KCTD8: variants seen among roughly 807,000 people sequenced by gnomAD.
The protein encoded by KCTD8 is BTB/POZ domain-containing protein KCTD8.
In KCTD8, 27 loss-of-function variants were observed where a neutral mutation model predicts 31.5. The observed-to-expected ratio is 0.86, with a 90% CI of 0.63 to 1.18. KCTD8 has a LOEUF of 1.18. KCTD8 is among the 50% of genes most tolerant of loss of function. The probability of loss-of-function intolerance (pLI) is 0.00; values close to 1 mark genes in which losing one functional copy is unlikely to be tolerated. For synonymous variants in KCTD8, 290 were observed against 280.0 expected (o/e 1.04, Z -0.36); for missense variants, 658 against 647.7 (o/e 1.02, Z -0.17).
chr4:44,369,373 A>G (rs1719723682), intron 1 of KCTD8, among the ~76,000 whole-genome samples: 1 of 152,224 alleles, frequency 6.6e-6, no homozygotes, highest in African/African-American at 2.4e-5. Context: ...AGCTACGAGT[A>G]TGTTCAAAAG....
At chr4:44,345,370 C>T (rs1719010730) in intron 1 of KCTD8, among the ~76,000 whole-genome samples, 1 of 152,010 alleles carries the variant, frequency 6.6e-6, no homozygotes, top group African/African-American at 2.4e-5. Context: ...TTGGAATAAA[C>T]TGCCCCCAAA....
At position 44,365,985 on chromosome 4, in the gene KCTD8, A is replaced by T. The variant is rs534109376; in HGVS notation, c.961+81578T>A. Among the ~76,000 whole-genome samples, 6 of 152,324 alleles carry T rather than the reference A, an allele frequency of 3.9e-5. No homozygotes were observed. In the South Asian group the frequency reaches 1.2e-3, roughly 32 times the overall value. On this transcript the variant is annotated intron_variant, in intron 1 of 1. Coordinates refer to ENST00000360029, the MANE Select transcript of KCTD8 (RefSeq NM_198353.3). ...CTTTGACAAAAGAAAAAAAACCTTGATTACAAATCGAGTTTGTAAAGCAAG... is the reference window on the plus strand; with the variant it reads ...CTTTGACAAAAGAAAAAAAACCTTGTTTACAAATCGAGTTTGTAAAGCAAG...
At chr4:44,247,688 A>G (rs1197283801) in intron 1 of KCTD8, among the ~76,000 whole-genome samples, 2 of 151,878 alleles carry the variant, frequency 1.3e-5, no homozygotes, top group African/African-American at 4.8e-5. Context: ...TATTTTAGGT[A>G]TCTCATATAA....
chr4:44,442,029 A>C (rs1412767100), intron 1 of KCTD8, among the ~76,000 whole-genome samples: 1 of 152,214 alleles, frequency 6.6e-6, no homozygotes, highest in African/African-American at 2.4e-5. Flanking sequence ...TAAACCAAAA[A>C]AAGATAGCAT....
chr4:44,393,560 T>C (rs1183701562), intron 1 of KCTD8, among the ~76,000 whole-genome samples: 1 of 150,676 alleles, frequency 6.6e-6, no homozygotes, highest in African/African-American at 2.4e-5. Context: ...TACTACCTAC[T>C]CACATTATAA....
intron 1 of KCTD8, among the ~76,000 whole-genome samples, chr4:44,216,052 T>C (rs887343415): frequency 3.3e-5 from 5 of 152,172 alleles, no homozygotes; most frequent in Admixed American, 3.3e-4. Flanking sequence ...GAAAGTAGCA[T>C]AGTAGCAGGA....
chr4:44,374,978 C>A (rs1036866157), intron 1 of KCTD8, among the ~76,000 whole-genome samples: 17 of 152,186 alleles, frequency 1.1e-4, no homozygotes, highest in Non-Finnish European at 8.8e-5. Flanking sequence ...TGTCACAAAA[C>A]TTCAATTTAT....
intron 1 of KCTD8, among the ~76,000 whole-genome samples, chr4:44,335,487 T>C (rs1030289162): frequency 4.6e-5 from 7 of 152,100 alleles, no homozygotes; most frequent in Non-Finnish European, 2.9e-5. Context: ...TAAAAATATG[T>C]TTCCTACAGG....
chr4:44,358,303 C>T (rs1719399521), intron 1 of KCTD8, among the ~76,000 whole-genome samples: 1 of 152,058 alleles, frequency 6.6e-6, no homozygotes, highest in Admixed American at 6.6e-5. Flanking sequence ...TCATTGATGG[C>T]CATTTGGGTT....
intron 1 of KCTD8, among the ~76,000 whole-genome samples, chr4:44,188,026 T>C (rs1219946707): frequency 6.6e-6 from 1 of 150,408 alleles, no homozygotes; most frequent in Admixed American, 6.6e-5. Context: ...AAAAAAACAG[T>C]CTAACACTCT....
chr4:44,182,869 C>T (rs1208721246), intron 1 of KCTD8, among the ~76,000 whole-genome samples: 2 of 152,150 alleles, frequency 1.3e-5, no homozygotes, highest in African/African-American at 4.8e-5. Context: ...CCTCAGTCTC[C>T]TCATGTTTAA....
At chr4:44,311,181 C>G (rs988604376) in intron 1 of KCTD8, among the ~76,000 whole-genome samples, 33 of 151,994 alleles carry the variant, frequency 2.2e-4, no homozygotes, top group Admixed American at 1.2e-3. Flanking sequence ...TTTCTTCTGT[C>G]ATTCTTCTCT....
chr4:44,357,769 A>G (rs2109428427), intron 1 of KCTD8, among the ~76,000 whole-genome samples: 1 of 152,136 alleles, frequency 6.6e-6, no homozygotes, highest in East Asian at 1.9e-4. Context: ...TTTTTCATAC[A>G]TTGTACCTTC....
At chr4:44,328,810 G>C (rs756544671) in intron 1 of KCTD8, among the ~76,000 whole-genome samples, 31 of 151,772 alleles carry the variant, frequency 2.0e-4, no homozygotes, top group Admixed American at 3.3e-4. Context: ...AAATTGCAGA[G>C]CTCTGGACTT....
chr4:44,182,012 C>T (rs1713429133), intron 1 of KCTD8, among the ~76,000 whole-genome samples: 1 of 151,920 alleles, frequency 6.6e-6, no homozygotes, highest in African/African-American at 2.4e-5. Context: ...AGCCCCTCCG[C>T]CTGGCAGCTG....
chr4:44,198,396 G>C (rs1714012728), intron 1 of KCTD8, among the ~76,000 whole-genome samples: 1 of 152,060 alleles, frequency 6.6e-6, no homozygotes, highest in Non-Finnish European at 1.5e-5. Context: ...AATTCTTAAA[G>C]GCAGATATAG....
chr4:44,253,510 T>C (rs1223062531), intron 1 of KCTD8, among the ~76,000 whole-genome samples: 1 of 151,818 alleles, frequency 6.6e-6, no homozygotes, highest in Non-Finnish European at 1.5e-5. Flanking sequence ...ATTGCAGGAA[T>C]GACACCATGC....
intron 1 of KCTD8, among the ~76,000 whole-genome samples, chr4:44,331,675 A>G (rs923953712): frequency 1.9e-4 from 28 of 150,172 alleles, no homozygotes; most frequent in Non-Finnish European, 3.1e-4. Context: ...TATTGAAATT[A>G]CATATATATA....
chr4:44,217,228 C>T (rs1714674618), intron 1 of KCTD8, among the ~76,000 whole-genome samples: 1 of 152,160 alleles, frequency 6.6e-6, no homozygotes. Flanking sequence ...TCTCTTCACA[C>T]ACCCCCAAAA....
Sources: allele counts gnomAD v4.1 joint callset (sites outside exome capture counted in the v4.1 genomes callset), GRCh38; gene constraint gnomAD v4.1.1; transcripts MANE v1.5; gene names NCBI Gene and HGNC (gene_info 2026-07-23, HGNC 2026-07-21).